TCAF2: variants seen among roughly 807,000 people sequenced by gnomAD.
The protein encoded by TCAF2 is TRPM8 channel associated factor 2, also known as TRPM8 channel-associated factor 2.
TCAF2 carries 6 observed loss-of-function variants against 33.9 expected under a neutral mutation model. That is an observed-to-expected ratio of 0.18 (90% confidence interval 0.10 to 0.35). TCAF2 has a LOEUF of 0.35. Among genes scored for constraint, TCAF2 ranks in the 10% least tolerant of loss-of-function variants. The pLI is 1.00. For synonymous variants in TCAF2, 41 were observed against 247.8 expected (o/e 0.17, Z 7.84); for missense variants, 109 against 604.0 (o/e 0.18, Z 8.59).
Position 143,724,439 on chromosome 7 carries a change from C to G in TCAF2, c.2247C>G (p.Ser749Arg), listed in dbSNP as rs1809605078. 3 of 1,609,158 alleles carry G rather than the reference C, an allele frequency of 1.9e-6. No individual in the cohort carries two copies. In the Admixed American group the frequency reaches 5.0e-5, roughly 27 times the overall value. The change falls in exon 7 of 8, where the codon AGC becomes AGG. Residue 749 changes from serine (S) to arginine (R), a missense_variant. Transcript: ENST00000684770. ...TCATCAATGAGATGGACATGAGGAG[C>G]AGGGGTGTGTGGGGCCCCATCCATG... ...KEIINEMDMR[S>R]RGVWGPIHEL...
chr7:143,701,791 A>G (rs1809172818), intron 1 of TCAF2, among the ~76,000 whole-genome samples: 1 of 121,540 alleles, frequency 8.2e-6, no homozygotes, highest in Admixed American at 8.1e-5. Context: ...ATTTTATTTT[A>G]TTTTATTTTA....
intron 1 of TCAF2, among the ~76,000 whole-genome samples, chr7:143,648,783 TTA>T (rs1330878925): frequency 1.9e-5 from 1 of 51,416 alleles, no homozygotes; most frequent in African/African-American, 5.3e-5. Flanking sequence ...GTTAAATAAA[TTA>T]TGGTTAACAA....
intron 7 of TCAF2, 191 bp downstream of exon 7, chr7:143,724,888 A>T (rs1809637429): frequency 2.8e-6 from 4 of 1,425,796 alleles, no homozygotes; most frequent in Non-Finnish European, 2.8e-6. Flanking sequence ...AGAGAATGGC[A>T]CCTGTCTCAC....
At chr7:143,622,609 T>A (rs1808785583) in intron 1 of TCAF2, among the ~76,000 whole-genome samples, 1 of 38,284 alleles carries the variant, frequency 2.6e-5, no homozygotes, top group African/African-American at 6.8e-5. Context: ...TTTATTTTAT[T>A]TTTTGAGGCA....
At chr7:143,721,181 C>T (rs1809540644) in intron 3 of TCAF2, 100 bp from the exon 4 acceptor site, 1 of 429,272 alleles carries the variant, frequency 2.3e-6, no homozygotes, top group African/African-American at 2.4e-5. Flanking sequence ...TTGAGATACA[C>T]AGGGGAGAAG....
At position 143,724,462 on chromosome 7, in the gene TCAF2, A is replaced by C. The variant is rs747035833; in HGVS notation, c.2270A>C (p.His757Pro). The change falls in exon 7 of 8, where the codon CAT becomes CCT. Residue 757 changes from histidine to proline, a missense_variant. By Grantham distance (77) the His-to-Pro change is moderately conservative. Coordinates refer to ENST00000684770, the MANE Select transcript of TCAF2 (RefSeq NM_001363538.2). ...MRSRGVWGPI[H>P]ELGHNQQRHG... is the part of the protein sequence containing the mutation. ...AGCAGGGGTGTGTGGGGCCCCATCC[A>C]TGAGCTGGGCCACAACCAACAGCGG... 9.9e-6 allele frequency: 16 copies of C among 1,610,794 alleles called. No homozygotes were observed. Among genetic ancestry groups the C allele is most frequent in the Non-Finnish European group, 1.2e-5 (14 of 1,179,452 alleles).
At chr7:143,621,150 G>C in intron 1 of TCAF2, 130 bp downstream of exon 1, 1 of 31,030 alleles carries the variant, frequency 3.2e-5, no homozygotes, top group Admixed American at 5.2e-4. Flanking sequence ...TCCCTTCTTA[G>C]GTCTAGGTCT....
In TCAF2 at chr7:143,729,316, G is replaced by A. The variant is rs1289988701; in HGVS notation, c.*1649G>A. 1 of 152,130 alleles carries A rather than the reference G, an allele frequency of 6.6e-6. No individual in the cohort carries two copies. Among genetic ancestry groups the A allele is most frequent in the Non-Finnish European group, 1.5e-5 (1 of 68,014 alleles). The allele number at this position is 152,130 out of a possible 1,614,324, so 9.4% of individuals were successfully genotyped here. A position where few individuals can be genotyped will look rare whatever the true frequency, so the allele number is the denominator to read the frequency against. On this transcript the variant is annotated 3_prime_UTR_variant, in exon 8 of 8. Transcript: ENST00000684770. ...TAAAAGGAAGAACCAGGGTTTAATT[G>A]AAGCCCATAGCAATGAAAACATTGT...
chr7:143,622,574 TTTAC>T lies in TCAF2; in HGVS notation c.-12+1557_-12+1560del, dbSNP rs1274140144. On this transcript the variant is annotated intron_variant, in intron 1 of 7. Transcript: ENST00000684770. The stretch of plus-strand genomic sequence containing the variant: ...TATTCTTTGCTTTATTTTATTTTAC[TTTAC>T]TTTATTTTATTTTATTTTATTTTAT... Among the ~76,000 whole-genome samples the T allele has an allele frequency of 2.0e-3, 74 of 36,160 alleles. 6 individuals carry two copies. Among genetic ancestry groups the T allele is most frequent in the African/African-American group, 5.2e-3 (69 of 13,276 alleles). The allele number at this position is 36,160 out of a possible 152,430, so 23.7% of individuals were successfully genotyped here. A position where few individuals can be genotyped will look rare whatever the true frequency, so the allele number is the denominator to read the frequency against.
In TCAF2 at chr7:143,728,709, G is replaced by A. The variant is rs990012934; in HGVS notation, c.*1042G>A. 6.6e-6 allele frequency: 1 copy of A among 152,228 alleles called. No homozygotes were observed. The highest frequency in any genetic ancestry group is 2.4e-5 in the African/African-American group (1 of 41,430). 9.4% of individuals were successfully genotyped at this position (152,228 alleles called of 1,614,324 possible). ...CTTCACTCTGGAACAGGATTACTGG[G>A]TGCAGCGGATGTAATCCTCACTTAA... On this transcript the variant is annotated 3_prime_UTR_variant, in exon 8 of 8. Transcript: ENST00000684770.
chr7:143,725,345 CT>C (rs1431042343), intron 7 of TCAF2, among the ~76,000 whole-genome samples: 1 of 151,706 alleles, frequency 6.6e-6, no homozygotes, highest in East Asian at 1.9e-4. Flanking sequence ...GCCCCCTCCC[CT>C]AGCCCTGCAT....
chr7:143,648,175 C>G (rs1264637592), intron 1 of TCAF2, among the ~76,000 whole-genome samples: 1 of 105,544 alleles, frequency 9.5e-6, no homozygotes, highest in Non-Finnish European at 2.1e-5. Flanking sequence ...CCTCAGCCTC[C>G]CAAAGTGCTG....
rs1290612040 is a variant in TCAF2, at chr7:143,647,905, C to CTTTCT, written c.-12+26893_-12+26897dup. 2.8e-5 allele frequency among the ~76,000 whole-genome samples: 4 copies of CTTTCT among 144,856 alleles called. 1 individual carries two copies. In the East Asian group the frequency reaches 7.3e-4, roughly 26 times the overall value. On this transcript the variant is annotated intron_variant, in intron 1 of 7. Coordinates refer to ENST00000684770, the MANE Select transcript of TCAF2 (RefSeq NM_001363538.2). ...TGTTTAGTCTTTCTTTCTTTTCTTT[C>CTTTCT]TTTCTTTTCTTTCTTTCTTTCTTTT...
In TCAF2 at chr7:143,728,950, A is replaced by T. The variant is rs1176238076; in HGVS notation, c.*1283A>T. 1 of 152,178 alleles carries T rather than the reference A, an allele frequency of 6.6e-6. No homozygotes were observed. The highest frequency in any genetic ancestry group is 1.5e-5 in the Non-Finnish European group (1 of 68,026). 9.4% of individuals were successfully genotyped at this position (152,178 alleles called of 1,614,324 possible). Reference sequence around the variant, plus strand: ...GAGAGTAGAGTGGCTTCCCATTAGGAGAACTAATTTAGGGCATGTCTTTTG... The same window carrying T: ...GAGAGTAGAGTGGCTTCCCATTAGGTGAACTAATTTAGGGCATGTCTTTTG... On this transcript the variant is annotated 3_prime_UTR_variant, in exon 8 of 8. Coordinates refer to ENST00000684770, the MANE Select transcript of TCAF2 (RefSeq NM_001363538.2).
chr7:143,707,754 CA>C (rs1391651072), intron 2 of TCAF2, among the ~76,000 whole-genome samples: 1 of 151,616 alleles, frequency 6.6e-6, no homozygotes, highest in Non-Finnish European at 1.5e-5. Flanking sequence ...AGCCACTCCC[CA>C]TCACTTGCGT....
Position 143,628,562 on chromosome 7 carries a change from G to A in TCAF2, c.-12+7542G>A, listed in dbSNP as rs1309675368. On this transcript the variant is annotated intron_variant, in intron 1 of 7. Coordinates refer to ENST00000684770, the MANE Select transcript of TCAF2 (RefSeq NM_001363538.2). Reference sequence around the variant, plus strand: ...TCACTTGTGTTACCACCTAAGCTCCGCCTCCTGTTAGATCAGTGGCAGCAT... The same window carrying A: ...TCACTTGTGTTACCACCTAAGCTCCACCTCCTGTTAGATCAGTGGCAGCAT... 1.7e-4 allele frequency among the ~76,000 whole-genome samples: 7 copies of A among 41,674 alleles called. 3 individuals carry two copies. The highest frequency in any genetic ancestry group is 4.8e-4 in the African/African-American group (7 of 14,658). The allele number at this position is 41,674 out of a possible 152,430, so 27.3% of individuals were successfully genotyped here.
At chr7:143,707,372 A>T (rs1809240076) in intron 2 of TCAF2, among the ~76,000 whole-genome samples, 1 of 53,742 alleles carries the variant, frequency 1.9e-5, no homozygotes, top group Non-Finnish European at 3.4e-5. Context: ...ATTTAAATAA[A>T]ACCCAAATAT....
chr7:143,725,383 A>G (rs978938116), intron 7 of TCAF2, among the ~76,000 whole-genome samples: 3 of 151,996 alleles, frequency 2.0e-5, no homozygotes, highest in Non-Finnish European at 2.9e-5. Flanking sequence ...CGAGTTGTCA[A>G]TGTTGTTCCC....
At chr7:143,634,966 G>A in intron 1 of TCAF2, among the ~76,000 whole-genome samples, 1 of 127,848 alleles carries the variant, frequency 7.8e-6, no homozygotes, top group Non-Finnish European at 1.6e-5. Flanking sequence ...TACAGCATCT[G>A]ATCAACATAG....
Sources: gnomAD v4.1 joint callset for allele counts (sites outside exome capture counted in the v4.1 genomes callset) on GRCh38, gnomAD v4.1.1 for gene constraint, MANE v1.5 for transcripts, NCBI Gene and HGNC (gene_info 2026-07-23, HGNC 2026-07-21) for gene names.